KDM4C: variants seen among roughly 807,000 people sequenced by gnomAD.
The protein encoded by KDM4C is lysine demethylase 4C.
KDM4C carries 81 observed loss-of-function variants against 129.3 expected under a neutral mutation model. The ratio of observed to expected loss-of-function variants is 0.63; its 90% confidence interval spans 0.52 to 0.75. The LOEUF is 0.75. Among genes scored for constraint, KDM4C ranks in the 30% least tolerant of loss-of-function variants. The pLI, the probability that KDM4C is intolerant of heterozygous loss-of-function variation, is 0.00. For synonymous variants in KDM4C, 573 were observed against 456.1 expected (o/e 1.26, Z -3.26); for missense variants, 1,457 against 1,304.0 (o/e 1.12, Z -1.81).
At position 7,174,772 on chromosome 9, in the gene KDM4C, A is replaced by G; in HGVS notation, c.*43A>G. 6.4e-7 allele frequency: 1 copy of G among 1,570,524 alleles called. No individual in the cohort carries two copies. Among genetic ancestry groups the G allele is most frequent in the Non-Finnish European group, 8.7e-7 (1 of 1,143,774 alleles). ...AGGCCACAGAGCAGCTTGGGTTGGA[A>G]GAGAGAAGATGAAGGGACATCCTTG... On this transcript the variant is annotated 3_prime_UTR_variant, in exon 22 of 22. Transcript: ENST00000381309.
intron 17 of KDM4C, among the ~76,000 whole-genome samples, chr9:7,070,543 A>G (rs992664473): frequency 2.0e-5 from 3 of 152,210 alleles, no homozygotes; most frequent in African/African-American, 7.2e-5. Context: ...TCCTGAGAAC[A>G]TAAGGCTTAT....
intron 11 of KDM4C, among the ~76,000 whole-genome samples, chr9:6,987,897 C>T (rs1004065847): frequency 3.3e-5 from 5 of 151,860 alleles, no homozygotes; most frequent in Middle Eastern, 3.4e-3. Context: ...TGGCTTATTT[C>T]TGTAATCCCT....
At chr9:6,773,240 G>A (rs891018044) in intron 1 of KDM4C, among the ~76,000 whole-genome samples, 3 of 151,750 alleles carry the variant, frequency 2.0e-5, no homozygotes, top group Admixed American at 6.6e-5. Context: ...GAGCTTAAGC[G>A]ATCCTCCTGC....
chr9:7,084,663 C>G (rs1198158141), intron 17 of KDM4C, among the ~76,000 whole-genome samples: 1 of 152,184 alleles, frequency 6.6e-6, no homozygotes, highest in Non-Finnish European at 1.5e-5. Context: ...TGCTCTGTGG[C>G]TCAGTTTCTT....
upstream of KDM4C, among the ~76,000 whole-genome samples, chr9:6,754,263 A>C (rs1818170173): frequency 6.6e-6 from 1 of 151,374 alleles, no homozygotes; most frequent in South Asian, 2.1e-4. Context: ...TCGAGGCTAG[A>C]GTGCAGTGGT....
intron 8 of KDM4C, among the ~76,000 whole-genome samples, chr9:6,933,113 T>C (rs1378232186): frequency 6.6e-6 from 1 of 152,244 alleles, no homozygotes; most frequent in Non-Finnish European, 1.5e-5. Context: ...ATGTATCAGA[T>C]AATACTATAT....
rs10975996 is a variant in KDM4C, at chr9:7,032,192, C to T, written c.2260-14670C>T. Among the ~76,000 whole-genome samples, 375 of 152,272 alleles carry T rather than the reference C, an allele frequency of 2.5e-3. 8 individuals are homozygous for T. The East Asian group carries it at 0.027, about 11-fold the overall frequency. On this transcript the variant is annotated intron_variant, in intron 15 of 21. Coordinates refer to ENST00000381309, the MANE Select transcript of KDM4C (RefSeq NM_015061.6). ...TTGAAGCTGAGTCCAATAAATTGAGCGTAATTCCTGTAGATGGAGGCACAT... is the reference window on the plus strand; with the variant it reads ...TTGAAGCTGAGTCCAATAAATTGAGTGTAATTCCTGTAGATGGAGGCACAT...
intron 1 of KDM4C, among the ~76,000 whole-genome samples, chr9:6,729,061 CG>C (rs1161640955): frequency 6.6e-6 from 1 of 150,520 alleles, no homozygotes; most frequent in Admixed American, 6.6e-5. Flanking sequence ...AAAAATTAGC[CG>C]GGTGAGGTGG....
intron 19 of KDM4C, among the ~76,000 whole-genome samples, chr9:7,140,283 A>G (rs1841613916): frequency 6.6e-6 from 1 of 152,118 alleles, no homozygotes; most frequent in Non-Finnish European, 1.5e-5. Flanking sequence ...CTGACTGACT[A>G]TGTACTGTAA....
intron 19 of KDM4C, among the ~76,000 whole-genome samples, chr9:7,161,844 T>G (rs1191355061): frequency 1.3e-5 from 2 of 152,254 alleles, no homozygotes; most frequent in African/African-American, 4.8e-5. Flanking sequence ...GCTCACATGC[T>G]TCTAGTCTCA....
chr9:7,068,086 G>T (rs965749275), intron 17 of KDM4C, among the ~76,000 whole-genome samples: 1 of 152,128 alleles, frequency 6.6e-6, no homozygotes, highest in Non-Finnish European at 1.5e-5. Context: ...GTGAGCCACC[G>T]CACCCAGCTG....
At chr9:6,870,273 G>A (rs184933306) in intron 5 of KDM4C, among the ~76,000 whole-genome samples, 3 of 151,992 alleles carry the variant, frequency 2.0e-5, no homozygotes, top group Non-Finnish European at 2.9e-5. Context: ...TGTAAGGGGG[G>A]TTTTTCCCTT....
intron 8 of KDM4C, among the ~76,000 whole-genome samples, chr9:6,898,677 G>C (rs985647984): frequency 1.3e-5 from 2 of 152,136 alleles, no homozygotes; most frequent in African/African-American, 4.8e-5. Context: ...TAATCTGGCA[G>C]GGGTTTCAAC....
chr9:6,807,338 C>G (rs1261311299), intron 3 of KDM4C, among the ~76,000 whole-genome samples: 1 of 149,322 alleles, frequency 6.7e-6, no homozygotes, highest in Non-Finnish European at 1.5e-5. Flanking sequence ...TCTGCCTGGC[C>G]GCCCATCGTC....
upstream of KDM4C, among the ~76,000 whole-genome samples, chr9:6,753,186 C>A (rs1331088671): frequency 2.6e-5 from 4 of 152,236 alleles, no homozygotes; most frequent in East Asian, 1.9e-4. Context: ...AGCAGAACTT[C>A]TACCTCTTCT....
intron 8 of KDM4C, among the ~76,000 whole-genome samples, chr9:6,897,178 C>T (rs1048679792): frequency 1.3e-5 from 2 of 152,168 alleles, no homozygotes; most frequent in African/African-American, 4.8e-5. Flanking sequence ...AGTATCCATC[C>T]AAACTGCCTC....
intron 8 of KDM4C, among the ~76,000 whole-genome samples, chr9:6,938,007 C>T (rs151082387): frequency 0.013 from 1,932 of 152,056 alleles, 43 homozygotes; most frequent in African/African-American, 0.044. Context: ...CCACCGTGGC[C>T]GGCCAGAATA....
intron 7 of KDM4C, among the ~76,000 whole-genome samples, chr9:6,891,360 C>T (rs537286310): frequency 2.4e-4 from 37 of 152,078 alleles, no homozygotes; most frequent in Non-Finnish European, 4.6e-4. Flanking sequence ...CATGCTACAA[C>T]CTGGGTGAAC....
chr9:6,799,053 C>T (rs943056154), intron 2 of KDM4C, among the ~76,000 whole-genome samples: 2 of 150,984 alleles, frequency 1.3e-5, no homozygotes, highest in African/African-American at 2.4e-5. Flanking sequence ...GGATGGCGGC[C>T]GGGCAGAGAC....
Sources: allele counts gnomAD v4.1 joint callset (sites outside exome capture counted in the v4.1 genomes callset), GRCh38; gene constraint gnomAD v4.1.1; transcripts MANE v1.5; gene names NCBI Gene and HGNC (gene_info 2026-07-23, HGNC 2026-07-21).